Variants in ANO4 observed in about 807,000 individuals in gnomAD.
ANO4 encodes the protein anoctamin 4.
ANO4 carries 69 observed loss-of-function variants against 141.9 expected under a neutral mutation model. That is an observed-to-expected ratio of 0.49 (90% CI 0.40 to 0.59). The LOEUF (loss-of-function observed/expected upper bound fraction) is 0.59. Among genes scored for constraint, ANO4 ranks in the 20% least tolerant of loss-of-function variants. The pLI, the probability that ANO4 is intolerant of heterozygous loss-of-function variation, is 0.00. For missense variants in ANO4, 894 were observed against 1,162.2 expected (o/e 0.77, Z 3.36); for synonymous variants, 350 against 394.3 (o/e 0.89, Z 1.33).
At chr12:101,017,387 G>A (rs552482696) in intron 8 of ANO4, among the ~76,000 whole-genome samples, 1 of 152,284 alleles carries the variant, frequency 6.6e-6, no homozygotes, top group African/African-American at 2.4e-5. Context: ...GGGATTATGG[G>A]AACTATGATT....
intron 3 of ANO4, among the ~76,000 whole-genome samples, chr12:100,786,303 T>G (rs1209297600): frequency 6.6e-6 from 1 of 152,198 alleles, no homozygotes; most frequent in Non-Finnish European, 1.5e-5. Context: ...TTTAATTTAT[T>G]CCACTTCTTT....
intron 8 of ANO4, among the ~76,000 whole-genome samples, chr12:101,005,095 C>G (rs2045818100): frequency 6.6e-6 from 1 of 152,168 alleles, no homozygotes; most frequent in African/African-American, 2.4e-5. Flanking sequence ...TAAGATCAGA[C>G]TAAGATGGAG....
intron 14 of ANO4, among the ~76,000 whole-genome samples, chr12:101,055,632 A>G (rs1023101861): frequency 6.6e-6 from 1 of 151,780 alleles, no homozygotes; most frequent in African/African-American, 2.4e-5. Context: ...TTGCATTTTT[A>G]TTTTTTAATG....
At chr12:100,927,876 T>C (rs2041935135) in intron 3 of ANO4, among the ~76,000 whole-genome samples, 1 of 152,098 alleles carries the variant, frequency 6.6e-6, no homozygotes, top group Non-Finnish European at 1.5e-5. Context: ...CAGGTTCTGA[T>C]GAAGGAAAGA....
At chr12:101,083,955 T>C (rs2049383282) in intron 16 of ANO4, 137 bp downstream of exon 16, 1 of 837,358 alleles carries the variant, frequency 1.2e-6, no homozygotes, top group African/African-American at 1.8e-5. Context: ...TAACTTCGTC[T>C]GGTGGTCAGG....
chr12:100,750,654 A>G (rs931725054), intron 3 of ANO4, among the ~76,000 whole-genome samples: 28 of 152,192 alleles, frequency 1.8e-4, no homozygotes, highest in African/African-American at 6.3e-4. Flanking sequence ...GAGTTCCCAA[A>G]ACAGTACTCT....
intron 3 of ANO4, among the ~76,000 whole-genome samples, chr12:100,742,158 G>A (rs1235876547): frequency 6.6e-6 from 1 of 151,996 alleles, no homozygotes; most frequent in Non-Finnish European, 1.5e-5. Context: ...AAGTAAGCCT[G>A]GACATCCAAA....
At chr12:101,051,944 G>A (rs1299649122) in intron 14 of ANO4, among the ~76,000 whole-genome samples, 2 of 152,158 alleles carry the variant, frequency 1.3e-5, no homozygotes, top group Non-Finnish European at 2.9e-5. Context: ...CAGTTTAATG[G>A]TCTCAGGATC....
intron 1 of ANO4, among the ~76,000 whole-genome samples, chr12:100,872,785 A>T (rs375275139): frequency 6.6e-6 from 1 of 152,184 alleles, no homozygotes; most frequent in Non-Finnish European, 1.5e-5. Context: ...TCATAATCCA[A>T]TGTTTTCCTG....
chr12:101,051,401 T>C (rs1344797248), intron 14 of ANO4, among the ~76,000 whole-genome samples: 1 of 152,214 alleles, frequency 6.6e-6, no homozygotes, highest in Non-Finnish European at 1.5e-5. Flanking sequence ...AAGACATGCC[T>C]GGAATAATTC....
At chr12:100,769,257 T>C (rs10860631) in intron 3 of ANO4, among the ~76,000 whole-genome samples, 35,061 of 152,110 alleles carry the variant, frequency 0.23, 4,672 homozygotes, top group East Asian at 0.52. Flanking sequence ...ATTTGTAATT[T>C]TAATATAAAG....
intron 8 of ANO4, among the ~76,000 whole-genome samples, chr12:100,998,976 C>A (rs753122656): frequency 3.3e-5 from 5 of 152,144 alleles, no homozygotes; most frequent in Non-Finnish European, 7.3e-5. Context: ...GAGGAGGAAC[C>A]TGGGGCACAG....
At chr12:101,029,769 G>A (rs2046895608) in intron 9 of ANO4, among the ~76,000 whole-genome samples, 1 of 151,808 alleles carries the variant, frequency 6.6e-6, no homozygotes, top group African/African-American at 2.4e-5. Flanking sequence ...AATTAGCTGG[G>A]TATGGTGGCA....
intron 1 of ANO4, among the ~76,000 whole-genome samples, chr12:100,847,384 G>A (rs570678312): frequency 2.6e-5 from 4 of 151,992 alleles, no homozygotes; most frequent in East Asian, 1.9e-4. Flanking sequence ...TTGTATGGTA[G>A]TTTGGTTTTC....
chr12:101,050,431 A>T (rs1446932223), intron 14 of ANO4, among the ~76,000 whole-genome samples: 2 of 152,098 alleles, frequency 1.3e-5, no homozygotes, highest in African/African-American at 4.8e-5. Context: ...AAACAAACTA[A>T]CCCTAACAGA....
intron 11 of ANO4, among the ~76,000 whole-genome samples, chr12:101,040,686 T>C (rs931406919): frequency 6.6e-6 from 1 of 152,194 alleles, no homozygotes; most frequent in African/African-American, 2.4e-5. Flanking sequence ...ACATGTGCCA[T>C]GGTGGTTTGC....
chr12:101,050,067 A>T (rs1297314453), intron 14 of ANO4, among the ~76,000 whole-genome samples: 1 of 152,222 alleles, frequency 6.6e-6, no homozygotes, highest in Non-Finnish European at 1.5e-5. Flanking sequence ...ACCATTGGGT[A>T]GAAGTAGGGA....
chr12:101,078,003 C>T (rs1009741404), intron 14 of ANO4, among the ~76,000 whole-genome samples: 8 of 152,040 alleles, frequency 5.3e-5, no homozygotes, highest in Admixed American at 2.0e-4. Context: ...GCTACATGCC[C>T]GAGAACTCTT....
In ANO4 at chr12:101,120,559, C is replaced by T; in HGVS notation, c.2610C>T (p.Pro870=). 1 of 1,614,058 alleles carries T rather than the reference C, an allele frequency of 6.2e-7. No individual in the cohort carries two copies. The highest frequency in any genetic ancestry group is 1.1e-5 in the South Asian group (1 of 91,066). ...DYRDPPHSLV[P]YGYTLQFWHV... is the part of the protein sequence containing the mutation. ...GTGACCCGCCTCATTCACTGGTGCC[C>T]TATGGCTACACACTGCAGTTTTGGC... is the stretch of plus-strand genomic sequence containing the variant. Residue 870 remains proline (P), a synonymous_variant, in exon 26 of 28, where the codon CCC becomes CCT. Transcript: ENST00000392977.
Sources: gnomAD v4.1 joint callset for allele counts (sites outside exome capture counted in the v4.1 genomes callset) on GRCh38, gnomAD v4.1.1 for gene constraint, MANE v1.5 for transcripts, NCBI Gene and HGNC (gene_info 2026-07-23, HGNC 2026-07-21) for gene names.